The following MKX variants were observed in gnomAD, a reference collection of about 807,000 sequenced individuals.
The protein encoded by MKX is mohawk homeobox.
In MKX, 13 loss-of-function variants were observed where a neutral mutation model predicts 36.0. The ratio of observed to expected loss-of-function variants is 0.36; its 90% CI spans 0.24 to 0.57. The LOEUF (loss-of-function observed/expected upper bound fraction) is 0.57, where lower values mean the gene tolerates loss of function less well. MKX is among the 20% of genes least tolerant of loss of function. MKX has a pLI of 0.79. For synonymous variants in MKX, 176 were observed against 178.3 expected (o/e 0.99, Z 0.10); for missense variants, 458 against 456.4 (o/e 1.00, Z -0.03).
At chr10:27,719,557 A>G (rs1188679692) in intron 5 of MKX, among the ~76,000 whole-genome samples, 1 of 152,180 alleles carries the variant, frequency 6.6e-6, no homozygotes, top group African/African-American at 2.4e-5. Flanking sequence ...AGAGGTACAG[A>G]GTAGAGATTC....
intron 5 of MKX, among the ~76,000 whole-genome samples, chr10:27,693,735 G>C (rs1434839023): frequency 6.6e-6 from 1 of 152,180 alleles, no homozygotes; most frequent in Non-Finnish European, 1.5e-5. Flanking sequence ...AATGGCCAAT[G>C]AATGTAATAC....
intron 3 of MKX, among the ~76,000 whole-genome samples, chr10:27,740,496 G>T (rs1907374): frequency 0.11 from 16,479 of 152,144 alleles, 1,026 homozygotes; most frequent in East Asian, 0.29. Flanking sequence ...TGACACAACT[G>T]CCCCAAGTCT....
chr10:27,713,438 C>A (rs915005281), intron 5 of MKX, among the ~76,000 whole-genome samples: 1 of 152,188 alleles, frequency 6.6e-6, no homozygotes, highest in South Asian at 2.1e-4. Flanking sequence ...TTAGAGAGTT[C>A]TATTCCGTAA....
rs1836643342 is a variant in MKX, at chr10:27,701,096, G to A, written c.839-25542C>T. Among the ~76,000 whole-genome samples the A allele has an allele frequency of 2.6e-5, 4 of 152,218 alleles. No homozygotes were observed. The South Asian group carries it at 8.3e-4, about 32-fold the overall frequency. Reference sequence around the variant, plus strand: ...CAGTTCAGGCTATGTCTACAAAGGGGTTAAGTTTTTAATGGATTCACTTAA... The same window carrying A: ...CAGTTCAGGCTATGTCTACAAAGGGATTAAGTTTTTAATGGATTCACTTAA... On this transcript the variant is annotated intron_variant, in intron 5 of 6. Coordinates refer to ENST00000419761, the MANE Select transcript of MKX (RefSeq NM_173576.3).
In MKX at chr10:27,743,435, G is replaced by T. The variant is rs1185875933; in HGVS notation, c.-20C>A. ...GTTCATGGTGTCGGTTGGTAGGGAC[G>T]CGCGGCGCGGCCGCAGAGCCTCGGG... On this transcript the variant is annotated 5_prime_UTR_variant, in exon 2 of 7. Coordinates refer to ENST00000419761, the MANE Select transcript of MKX (RefSeq NM_173576.3). The T allele has an allele frequency of 6.6e-7, 1 of 1,519,756 alleles. No homozygotes were observed. Among genetic ancestry groups the T allele is most frequent in the East Asian group, 2.6e-5 (1 of 38,576 alleles). The allele number at this position is 1,519,756 out of a possible 1,614,324, so 94.1% of individuals were successfully genotyped here.
intron 5 of MKX, among the ~76,000 whole-genome samples, chr10:27,732,258 G>T (rs1834647702): frequency 6.6e-6 from 1 of 151,998 alleles, no homozygotes; most frequent in South Asian, 2.1e-4. Flanking sequence ...TTCAAAGTTT[G>T]AAAAGAAATG....
chr10:27,717,367 A>T (rs1401612421), intron 5 of MKX, among the ~76,000 whole-genome samples: 2 of 152,118 alleles, frequency 1.3e-5, no homozygotes, highest in Non-Finnish European at 2.9e-5. Context: ...TGCATTAAAA[A>T]CTGTTCTCTG....
At chr10:27,720,016 T>C (rs1348423995) in intron 5 of MKX, among the ~76,000 whole-genome samples, 1 of 150,102 alleles carries the variant, frequency 6.7e-6, no homozygotes, top group Non-Finnish European at 1.5e-5. Flanking sequence ...GAGAAAAAGT[T>C]GATTAAAGTA....
chr10:27,723,629 G>C (rs1834425972), intron 5 of MKX, among the ~76,000 whole-genome samples: 1 of 152,186 alleles, frequency 6.6e-6, no homozygotes, highest in African/African-American at 2.4e-5. Context: ...TTTATGTTTA[G>C]AAATGTAAGC....
chr10:27,682,621 G>C (rs1382423254), intron 5 of MKX, among the ~76,000 whole-genome samples: 3 of 152,184 alleles, frequency 2.0e-5, no homozygotes, highest in East Asian at 1.9e-4. Context: ...GACCAGGGAT[G>C]GGGGTGCGTT....
In MKX at chr10:27,743,025, C is replaced by G. The variant is rs144009316; in HGVS notation, c.188+203G>C. On this transcript the variant is annotated intron_variant, in intron 2 of 6. Coordinates refer to ENST00000419761, the MANE Select transcript of MKX (RefSeq NM_173576.3). The stretch of plus-strand genomic sequence containing the variant: ...TCCACCAAGCTCTTTGGAGCTGCCC[C>G]GACGAATTGATCCCTCATGTTTTAA... Among the ~76,000 whole-genome samples the G allele has an allele frequency of 1.5e-3, 224 of 152,324 alleles. 6 individuals are homozygous for G. In the East Asian group the frequency reaches 0.04, roughly 27 times the overall value.
chr10:27,674,455 T>C lies in MKX; in HGVS notation c.*774A>G, dbSNP rs1232799739. ...ACAGGAAAATTTTGAGTTATTTGTATAATAAAGTTTTTTTTTAAACTTCAG... is the reference window on the plus strand; with the variant it reads ...ACAGGAAAATTTTGAGTTATTTGTACAATAAAGTTTTTTTTTAAACTTCAG... On this transcript the variant is annotated 3_prime_UTR_variant, in exon 7 of 7. Transcript: ENST00000419761. The C allele has an allele frequency of 1.3e-5, 2 of 152,638 alleles. No individual in the cohort carries two copies. The highest frequency in any genetic ancestry group is 2.9e-5 in the Non-Finnish European group (2 of 68,038). 9.5% of individuals were successfully genotyped at this position (152,638 alleles called of 1,614,324 possible).
chr10:27,725,067 A>C (rs1430178963), intron 5 of MKX, among the ~76,000 whole-genome samples: 3 of 152,206 alleles, frequency 2.0e-5, no homozygotes, highest in African/African-American at 7.2e-5. Flanking sequence ...TGAAGCTGCC[A>C]AAAACCGTTA....
chr10:27,706,596 C>T (rs1836761098), intron 5 of MKX, among the ~76,000 whole-genome samples: 1 of 149,906 alleles, frequency 6.7e-6, no homozygotes, highest in African/African-American at 2.5e-5. Flanking sequence ...AATAGCCATC[C>T]TAGTGGGTGT....
chr10:27,677,385 A>G (rs1251549978), intron 5 of MKX, among the ~76,000 whole-genome samples: 3 of 152,178 alleles, frequency 2.0e-5, no homozygotes, highest in Non-Finnish European at 4.4e-5. Context: ...ATGCAACCTA[A>G]TTTCCAATTC....
At chr10:27,695,409 GGA>G (rs1836535938) in intron 5 of MKX, among the ~76,000 whole-genome samples, 1 of 151,478 alleles carries the variant, frequency 6.6e-6, no homozygotes, top group Non-Finnish European at 1.5e-5. Context: ...AGACAGGAAA[GGA>G]GAGATGCTCA....
intron 5 of MKX, among the ~76,000 whole-genome samples, chr10:27,716,436 CAA>C (rs56913373): frequency 7.8e-6 from 1 of 127,668 alleles, no homozygotes; most frequent in African/African-American, 3.0e-5. Flanking sequence ...AAAAAAAAAG[CAA>C]AAAAAAAAAA....
chr10:27,694,568 G>A (rs971546937), intron 5 of MKX, among the ~76,000 whole-genome samples: 6 of 147,756 alleles, frequency 4.1e-5, no homozygotes, highest in African/African-American at 4.9e-5. Context: ...TGTGGCGGGC[G>A]CCTGTAGTCC....
At chr10:27,709,442 C>T (rs1836815111) in intron 5 of MKX, among the ~76,000 whole-genome samples, 1 of 152,092 alleles carries the variant, frequency 6.6e-6, no homozygotes, top group Non-Finnish European at 1.5e-5. Context: ...TGGAACCAAG[C>T]CTCCCAAGAT....
Sources: allele counts gnomAD v4.1 joint callset (sites outside exome capture counted in the v4.1 genomes callset), GRCh38; gene constraint gnomAD v4.1.1; transcripts MANE v1.5; gene names NCBI Gene and HGNC (gene_info 2026-07-23, HGNC 2026-07-21).